Variants in CALCR observed in about 807,000 individuals in gnomAD.
CALCR encodes the protein calcitonin receptor.
A neutral mutation model predicts 59.5 loss-of-function variants in CALCR; 47 were observed. The observed-to-expected ratio is 0.79, with a 90% confidence interval of 0.63 to 1.01. CALCR has a LOEUF of 1.01. CALCR is among the 50% of genes least tolerant of loss of function. The pLI, the probability that CALCR is intolerant of heterozygous loss-of-function variation, is 0.00. For missense variants in CALCR, 566 were observed against 597.1 expected (o/e 0.95, Z 0.54); for synonymous variants, 213 against 211.3 (o/e 1.01, Z -0.07).
At chr7:93,501,386 G>T (rs1300943814) in intron 2 of CALCR, among the ~76,000 whole-genome samples, 9 of 151,894 alleles carry the variant, frequency 5.9e-5, no homozygotes, top group African/African-American at 2.2e-4. Flanking sequence ...AATTTATGAG[G>T]TACAATGATG....
intron 13 of CALCR, among the ~76,000 whole-genome samples, chr7:93,429,965 GCT>G: frequency 8.1e-6 from 1 of 123,172 alleles, no homozygotes; most frequent in African/African-American, 3.4e-5. Context: ...ACAGAGTCTT[GCT>G]GTCTCCCAGG....
intron 2 of CALCR, among the ~76,000 whole-genome samples, chr7:93,504,511 G>A (rs1034504059): frequency 6.6e-6 from 1 of 151,924 alleles, no homozygotes; most frequent in Non-Finnish European, 1.5e-5. Flanking sequence ...TTCTCCCACC[G>A]TATGTAAAAC....
chr7:93,447,055 G>C (rs1462485166), intron 8 of CALCR, among the ~76,000 whole-genome samples: 2 of 151,960 alleles, frequency 1.3e-5, no homozygotes, highest in Non-Finnish European at 2.9e-5. Flanking sequence ...TCACTATTCA[G>C]TGCCCTTACT....
chr7:93,488,601 A>AAAAAAAAAAAAG (rs1801003048), intron 2 of CALCR, among the ~76,000 whole-genome samples: 1 of 147,538 alleles, frequency 6.8e-6, no homozygotes, highest in Non-Finnish European at 1.5e-5. Flanking sequence ...AAAAAAAAAA[A>AAAAAAAAAAAAG]GCATGGGTTG....
chr7:93,516,977 G>C (rs1382069918), intron 2 of CALCR, among the ~76,000 whole-genome samples: 1 of 151,782 alleles, frequency 6.6e-6, no homozygotes, highest in Non-Finnish European at 1.5e-5. Context: ...GACAGACTTG[G>C]GTAGGACATT....
intron 2 of CALCR, among the ~76,000 whole-genome samples, chr7:93,565,965 T>C (rs1242881427): frequency 1.3e-5 from 2 of 152,198 alleles, no homozygotes; most frequent in African/African-American, 2.4e-5. Context: ...TTGGCAGCAG[T>C]ACAATTTTCC....
chr7:93,498,834 G>C (rs1468946805), intron 2 of CALCR, among the ~76,000 whole-genome samples: 1 of 151,642 alleles, frequency 6.6e-6, no homozygotes, highest in Non-Finnish European at 1.5e-5. Flanking sequence ...TCTATTTTGA[G>C]AAACTGATTG....
At chr7:93,540,487 T>C (rs575651634) in intron 2 of CALCR, among the ~76,000 whole-genome samples, 40 of 152,196 alleles carry the variant, frequency 2.6e-4, no homozygotes, top group African/African-American at 9.6e-4. Flanking sequence ...TTTATGTAAC[T>C]CCCTGTGTTT....
intron 3 of CALCR, among the ~76,000 whole-genome samples, chr7:93,480,862 A>G (rs529584094): frequency 7.2e-5 from 11 of 151,868 alleles, no homozygotes; most frequent in African/African-American, 2.7e-4. Flanking sequence ...CTTTCCCACA[A>G]AAGTCTGGAG....
intron 7 of CALCR, chr7:93,462,038 A>G: frequency 7.4e-7 from 1 of 1,346,098 alleles, no homozygotes; most frequent in Non-Finnish European, 1.0e-6. Flanking sequence ...AAGATGAAAT[A>G]CAAAAATAGC....
intron 2 of CALCR, among the ~76,000 whole-genome samples, chr7:93,566,596 C>G (rs370215843): frequency 1.3e-5 from 2 of 152,156 alleles, no homozygotes; most frequent in South Asian, 4.2e-4. Context: ...TGGTTTTAGG[C>G]GAACTTAGGT....
intron 8 of CALCR, among the ~76,000 whole-genome samples, chr7:93,448,907 T>A (rs1045170016): frequency 2.7e-4 from 41 of 151,954 alleles, no homozygotes; most frequent in African/African-American, 9.4e-4. Flanking sequence ...TGAGGCAAAA[T>A]GAAGAGCCTG....
At chr7:93,545,502 C>A (rs1475322471) in intron 2 of CALCR, among the ~76,000 whole-genome samples, 2 of 152,030 alleles carry the variant, frequency 1.3e-5, no homozygotes, top group Non-Finnish European at 2.9e-5. Flanking sequence ...AACAACCTTG[C>A]CTGCTGGACT....
intron 9 of CALCR, among the ~76,000 whole-genome samples, chr7:93,440,738 A>C (rs944157464): frequency 6.6e-6 from 1 of 152,128 alleles, no homozygotes; most frequent in African/African-American, 2.4e-5. Flanking sequence ...TCTGCCCTCT[A>C]AACAGATTTT....
Position 93,435,978 on chromosome 7 carries a change from C to T in CALCR, c.1123G>A (p.Val375Met), listed in dbSNP as rs756806380. The part of the protein sequence containing the change: ...NKMLGKIYDY[V>M]MHSLIHFQGF... ...TGGAAATGAATCAGAGAGTGCATCA[C>T]GTAATCATATATCTTCCCAAGCATC... Residue 375 changes from valine to methionine, a missense_variant, in exon 12 of 14, where the codon GTG (valine) becomes ATG (methionine). By Grantham distance (21) the Val-to-Met change is conservative. Coordinates refer to ENST00000426151, the MANE Select transcript of CALCR (RefSeq NM_001742.4). 3.5e-5 allele frequency: 56 copies of T among 1,611,780 alleles called. No individual in the cohort carries two copies. The highest frequency in any genetic ancestry group is 4.3e-5 in the Non-Finnish European group (51 of 1,178,184).
intron 6 of CALCR, among the ~76,000 whole-genome samples, chr7:93,471,218 GA>G (rs1321752432): frequency 6.6e-6 from 1 of 151,768 alleles, no homozygotes; most frequent in African/African-American, 2.4e-5. Flanking sequence ...TGGTTAACAT[GA>G]GTATAATTTT....
rs1799958796 is a variant in CALCR at position 93,443,769 on chromosome 7, A to C, written c.649-12T>G. The C allele has an allele frequency of 6.2e-7, 1 of 1,610,818 alleles. No individual in the cohort carries two copies. Among genetic ancestry groups the C allele is most frequent in the Non-Finnish European group, 8.5e-7 (1 of 1,177,796 alleles). On this transcript the variant is annotated splice_polypyrimidine_tract_variant and intron_variant, in intron 8 of 13. Transcript: ENST00000426151. ...ATCTTGCAGCTCACCTGTCAGAAAG[A>C]AAGGAAGATACTCAGAGAAAGACAC...
intron 2 of CALCR, among the ~76,000 whole-genome samples, chr7:93,554,462 AC>A (rs1226145722): frequency 6.6e-6 from 1 of 152,074 alleles, no homozygotes; most frequent in African/African-American, 2.4e-5. Flanking sequence ...AGTACAAGTG[AC>A]CTCAATGATT....
chr7:93,492,583 G>T (rs10278100), intron 2 of CALCR, among the ~76,000 whole-genome samples: 7,408 of 151,282 alleles, frequency 0.049, 620 homozygotes, highest in African/African-American at 0.17. Context: ...AAGCATACAC[G>T]CACACACGTA....
Sources: allele counts gnomAD v4.1 joint callset (sites outside exome capture counted in the v4.1 genomes callset), GRCh38; gene constraint gnomAD v4.1.1; transcripts MANE v1.5; gene names NCBI Gene and HGNC (gene_info 2026-07-23, HGNC 2026-07-21).